HORMAD2: variants seen among roughly 807,000 people sequenced by gnomAD.
HORMAD2 encodes HORMA domain containing 2.
Under a neutral mutation model 38.8 loss-of-function variants are expected in HORMAD2, and 45 were observed. The observed-to-expected ratio is 1.16, with a 90% CI of 0.91 to 1.49. HORMAD2 has a LOEUF of 1.49. Ranked by LOEUF, HORMAD2 falls within the 40% of genes most tolerant of loss-of-function variation. The pLI is 0.00. For synonymous variants in HORMAD2, 126 were observed against 122.8 expected (o/e 1.03, Z -0.17); for missense variants, 338 against 367.0 (o/e 0.92, Z 0.65).
chr22:30,120,816 A>T (rs145930699), intron 8 of HORMAD2, among the ~76,000 whole-genome samples: 51 of 152,334 alleles, frequency 3.3e-4, no homozygotes, highest in Non-Finnish European at 6.2e-4. Flanking sequence ...GGATAAATTT[A>T]GGACAGTCAG....
At chr22:30,198,437 T>C in the HORMAD2 span, among the ~76,000 whole-genome samples, 1 of 152,096 alleles carries the variant, frequency 6.6e-6, no homozygotes, top group East Asian at 1.9e-4. Flanking sequence ...AACACACAGA[T>C]ACCTGAATGC....
rs775475068 is a variant in HORMAD2 at position 30,151,224 on chromosome 22, CTGTT to C, written c.820-24824_820-24821del. ...CTGTCTTTTCGCTTGTTCTTTCTTT[CTGTT>C]TGTTTGTTTGTTTGCATTTCTGCCT... On this transcript the variant is annotated intron_variant, in intron 10 of 10. Transcript: ENST00000336726. 1.4e-3 allele frequency among the ~76,000 whole-genome samples: 207 copies of C among 152,206 alleles called. 1 individual carries two copies. Among genetic ancestry groups the C allele is most frequent in the African/African-American group, 4.8e-3 (200 of 41,520 alleles).
the HORMAD2 span, among the ~76,000 whole-genome samples, chr22:30,189,386 G>A: frequency 5.9e-5 from 9 of 152,238 alleles, no homozygotes; most frequent in Middle Eastern, 3.4e-3. Flanking sequence ...TTTCTCCAGA[G>A]AAGGCTTTAG....
At chr22:30,121,528 A>G in intron 8 of HORMAD2, 104 bp from the exon 9 acceptor site, 5 of 862,992 alleles carry the variant, frequency 5.8e-6, no homozygotes, top group Non-Finnish European at 8.2e-6. Context: ...AAAATATACT[A>G]ATGTTTAATT....
the HORMAD2 span, among the ~76,000 whole-genome samples, chr22:30,194,496 G>C: frequency 2.6e-5 from 4 of 152,168 alleles, no homozygotes; most frequent in African/African-American, 7.2e-5. Context: ...ATATAGGGAA[G>C]AAGTATCTAA....
At chr22:30,204,212 G>A in the HORMAD2 span, among the ~76,000 whole-genome samples, 11 of 152,138 alleles carry the variant, frequency 7.2e-5, no homozygotes, top group Non-Finnish European at 1.3e-4. Context: ...GGTAGCAAAG[G>A]CCCATAGCCC....
intron 7 of HORMAD2, among the ~76,000 whole-genome samples, chr22:30,118,039 C>CT (rs1246129548): frequency 6.6e-6 from 1 of 152,148 alleles, no homozygotes; most frequent in Non-Finnish European, 1.5e-5. Flanking sequence ...GCAGTAGACT[C>CT]TTAATTGCTC....
At chr22:30,101,544 A>G (rs937991317) in intron 3 of HORMAD2, among the ~76,000 whole-genome samples, 1 of 152,082 alleles carries the variant, frequency 6.6e-6, no homozygotes, top group Non-Finnish European at 1.5e-5. Flanking sequence ...TGGCACATGA[A>G]CAAACCTGCA....
At chr22:30,205,534 C>T in the HORMAD2 span, among the ~76,000 whole-genome samples, 1 of 152,186 alleles carries the variant, frequency 6.6e-6, no homozygotes, top group Non-Finnish European at 1.5e-5. Context: ...AGCTCCCCAA[C>T]AGCCCCAGCA....
chr22:30,139,286 A>ATATATATATC (rs1491312488), intron 10 of HORMAD2, among the ~76,000 whole-genome samples: 3 of 130,506 alleles, frequency 2.3e-5, no homozygotes, highest in Non-Finnish European at 3.3e-5. Context: ...ATATATATAT[A>ATATATATATC]TCCTCTGTCT....
chr22:30,117,851 T>C lies in HORMAD2; in HGVS notation c.343-1129T>C, dbSNP rs576917465. On this transcript the variant is annotated intron_variant, in intron 7 of 10. Coordinates refer to ENST00000336726, the MANE Select transcript of HORMAD2 (RefSeq NM_152510.4). The stretch of plus-strand genomic sequence containing the variant: ...TATTTTAAATGGAATCTATCTCTTA[T>C]GAGGAAATTTGTCCCTCTTTATTTC... 6.8e-4 allele frequency among the ~76,000 whole-genome samples: 103 copies of C among 152,292 alleles called. 1 individual carries two copies. The highest frequency in any genetic ancestry group is 4.1e-3 in the South Asian group (20 of 4,828).
chr22:30,117,814 A>G (rs1284746339), intron 7 of HORMAD2, among the ~76,000 whole-genome samples: 1 of 152,242 alleles, frequency 6.6e-6, no homozygotes, highest in African/African-American at 2.4e-5. Context: ...ATGCCCAGCC[A>G]GACATTCATT....
At chr22:30,154,876 C>T (rs113552605) in intron 10 of HORMAD2, among the ~76,000 whole-genome samples, 2,448 of 151,994 alleles carry the variant, frequency 0.016, 65 homozygotes, top group African/African-American at 0.056. Flanking sequence ...AAGACCAGCC[C>T]GGGTCACACA....
At chr22:30,204,454 AAG>A in the HORMAD2 span, among the ~76,000 whole-genome samples, 1 of 152,196 alleles carries the variant, frequency 6.6e-6, no homozygotes, top group Non-Finnish European at 1.5e-5. Flanking sequence ...GTGATCAGGA[AAG>A]AGCTCTTTCA....
chr22:30,124,612 G>T (rs531693450), intron 10 of HORMAD2, among the ~76,000 whole-genome samples: 3 of 152,190 alleles, frequency 2.0e-5, no homozygotes, highest in African/African-American at 4.8e-5. Flanking sequence ...ATCATACTCT[G>T]AGTATTCTCC....
chr22:30,088,986 T>C (rs1158828643), intron 1 of HORMAD2, among the ~76,000 whole-genome samples: 2 of 152,192 alleles, frequency 1.3e-5, no homozygotes, highest in African/African-American at 4.8e-5. Flanking sequence ...TTGGAATCTT[T>C]AAGGGTTAAA....
chr22:30,135,711 G>C (rs1923605137), intron 10 of HORMAD2, among the ~76,000 whole-genome samples: 1 of 152,120 alleles, frequency 6.6e-6, no homozygotes, highest in Non-Finnish European at 1.5e-5. Flanking sequence ...ATTCAATAGA[G>C]ACTCCAGAAG....
chr22:30,163,426 T>C (rs1328960119), intron 10 of HORMAD2, among the ~76,000 whole-genome samples: 1 of 152,186 alleles, frequency 6.6e-6, no homozygotes, highest in Non-Finnish European at 1.5e-5. Context: ...GATTTTCTTT[T>C]CTTTTTTTGT....
chr22:30,159,470 A>G (rs893810162), intron 10 of HORMAD2, among the ~76,000 whole-genome samples: 1 of 152,238 alleles, frequency 6.6e-6, no homozygotes, highest in Non-Finnish European at 1.5e-5. Flanking sequence ...ACATATTTGT[A>G]TATTCCAAAT....
Sources: allele counts gnomAD v4.1 joint callset (sites outside exome capture counted in the v4.1 genomes callset), GRCh38; gene constraint gnomAD v4.1.1; transcripts MANE v1.5; gene names NCBI Gene and HGNC (gene_info 2026-07-23, HGNC 2026-07-21).